The following SAMD10 variants were observed in gnomAD, a reference collection of about 807,000 sequenced individuals.
The protein encoded by SAMD10 is sterile alpha motif domain containing 10.
Under a neutral mutation model 22.5 loss-of-function variants are expected in SAMD10, and 16 were observed. That is an observed-to-expected ratio of 0.71 (90% CI 0.48 to 1.08). SAMD10 has a LOEUF of 1.08. SAMD10 is among the 50% of genes least tolerant of loss of function. The pLI is 0.00. For missense variants in SAMD10, 227 were observed against 281.3 expected (o/e 0.81, Z 1.38); for synonymous variants, 118 against 122.2 (o/e 0.97, Z 0.23).
Position 63,974,796 on chromosome 20 carries a change from C to T in SAMD10, c.*714G>A, listed in dbSNP as rs1385135784. 1 of 152,530 alleles carries T rather than the reference C, an allele frequency of 6.6e-6. No homozygotes were observed. Among genetic ancestry groups the T allele is most frequent in the Non-Finnish European group, 1.5e-5 (1 of 68,248 alleles). 9.4% of individuals were successfully genotyped at this position (152,530 alleles called of 1,614,324 possible). A position where few individuals can be genotyped will look rare whatever the true frequency, so the allele number is the denominator to read the frequency against. ...TAAGCCTGGGCCCTGGGCGCGGAGC[C>T]ACCTGGACAGGGCTGGGGTTCTCGT... On this transcript the variant is annotated 3_prime_UTR_variant, in exon 5 of 5. Coordinates refer to ENST00000369886, the MANE Select transcript of SAMD10 (RefSeq NM_080621.5).
rs1441488225 is a variant in SAMD10 at position 63,979,361 on chromosome 20, A to G, written c.91+16T>C. ...CCGCCCGAGAAATCCCCGCTCCCCAATCCAGCCCCGCTCACCGTCCACATC... is the reference window on the plus strand; with the variant it reads ...CCGCCCGAGAAATCCCCGCTCCCCAGTCCAGCCCCGCTCACCGTCCACATC... On this transcript the variant is annotated intron_variant, in intron 1 of 4. Coordinates refer to ENST00000369886, the MANE Select transcript of SAMD10 (RefSeq NM_080621.5). The surrounding 1 kb of genome is among the most constrained non-coding windows in gnomAD (Gnocchi z 7.7). 4 of 1,448,586 alleles carry G rather than the reference A, an allele frequency of 2.8e-6. No homozygotes were observed. Among genetic ancestry groups the G allele is most frequent in the East Asian group, 3.1e-5 (1 of 32,228 alleles). 89.7% of individuals were successfully genotyped at this position (1,448,586 alleles called of 1,614,324 possible).
At chr20:63,979,791 A>T, upstream of SAMD10, 2 of 678,496 alleles carry the variant, frequency 2.9e-6, no homozygotes, top group Non-Finnish European at 3.6e-6. The surrounding 1 kb of genome is among the most constrained non-coding windows in gnomAD (Gnocchi z 7.7). Flanking sequence ...GCGTCCTCTG[A>T]GGTCGGGCCC....
Position 63,975,312 on chromosome 20 carries a change from C to G in SAMD10, c.*198G>C, listed in dbSNP as rs2059014118. ...CACACTCAAGCAGCCCCCTACCCACCCAGCCCCAGGGCACGACCTGGAATG... is the reference window on the plus strand; with the variant it reads ...CACACTCAAGCAGCCCCCTACCCACGCAGCCCCAGGGCACGACCTGGAATG... On this transcript the variant is annotated 3_prime_UTR_variant, in exon 5 of 5. Transcript: ENST00000369886. 1.6e-6 allele frequency: 1 copy of G among 611,996 alleles called. No homozygotes were observed. The highest frequency in any genetic ancestry group is 1.9e-5 in the African/African-American group (1 of 51,686). The allele number at this position is 611,996 out of a possible 1,614,324, so 37.9% of individuals were successfully genotyped here.
chr20:63,975,623 G>C (rs547688322), intron 4 of SAMD10, 69 bp downstream of exon 4: 10 of 1,578,464 alleles, frequency 6.3e-6, no homozygotes, highest in East Asian at 4.6e-5. Context: ...ACCTCCTGAG[G>C]TCATCCCACC....
Position 63,979,186 on chromosome 20 carries a change from C to A in SAMD10, c.91+191G>T, listed in dbSNP as rs1187811047. Among the ~76,000 whole-genome samples, 3 of 152,064 alleles carry A rather than the reference C, an allele frequency of 2.0e-5. No individual in the cohort carries two copies. Among genetic ancestry groups the A allele is most frequent in the East Asian group, 3.9e-4 (2 of 5,158 alleles). ...CACCCCAAGCCAAGGGCGCGCTGAC[C>A]CCCAAGGCCTGAGGCTGGCTGCCCC... On this transcript the variant is annotated intron_variant, in intron 1 of 4. Transcript: ENST00000369886. This position sits in a 1 kb window ranked among gnomAD's most constrained non-coding sequence, Gnocchi z 7.7.
chr20:63,978,988 C>T (rs1346049385), intron 1 of SAMD10, among the ~76,000 whole-genome samples: 1 of 152,228 alleles, frequency 6.6e-6, no homozygotes, highest in Non-Finnish European at 1.5e-5. Flanking sequence ...GTCCCTCCCG[C>T]CCCAACGTCA....
chr20:63,976,903 G>A, intron 3 of SAMD10, 68 bp downstream of exon 3: 2 of 1,501,824 alleles, frequency 1.3e-6, no homozygotes, highest in East Asian at 4.5e-5. Flanking sequence ...AAGGCAGGCT[G>A]AGTGTGGGGA....
chr20:63,975,242 G>A lies in SAMD10; in HGVS notation c.*268C>T, dbSNP rs1051358682. The A allele has an allele frequency of 3.9e-6, 2 of 519,244 alleles. No individual in the cohort carries two copies. Among genetic ancestry groups the A allele is most frequent in the African/African-American group, 2.0e-5 (1 of 49,638 alleles). 32.2% of individuals were successfully genotyped at this position (519,244 alleles called of 1,614,324 possible). A position where few individuals can be genotyped will look rare whatever the true frequency, so the allele number is the denominator to read the frequency against. On this transcript the variant is annotated 3_prime_UTR_variant, in exon 5 of 5. Transcript: ENST00000369886. ...CAGGCAGCTGCCCCACATGCTGCCA[G>A]CTGCACCAGGGGAGGGCTTGGGCTC...
chr20:63,975,639 C>T, intron 4 of SAMD10, 53 bp downstream of exon 4: 3 of 1,574,968 alleles, frequency 1.9e-6, no homozygotes, highest in Non-Finnish European at 2.6e-6. Context: ...CCACCCCACA[C>T]TCAGAGGGGC....
Position 63,977,153 on chromosome 20 carries a change from G to C in SAMD10, c.274-11C>G, listed in dbSNP as rs772770269. On this transcript the variant is annotated splice_polypyrimidine_tract_variant and intron_variant, in intron 2 of 4. Coordinates refer to ENST00000369886, the MANE Select transcript of SAMD10 (RefSeq NM_080621.5). This position sits in a 1 kb window ranked among gnomAD's most constrained non-coding sequence, Gnocchi z 5.4. ...AGAGTACAGCCGGCCCTGCAGGGGA[G>C]GGGCGTGGCAGGCAGAGTGAGAGTG... 11 of 1,613,186 alleles carry C rather than the reference G, an allele frequency of 6.8e-6. No homozygotes were observed.
rs909218248 is a variant in SAMD10 at position 63,974,193 on chromosome 20, C to T, written c.*1317G>A. 2.6e-5 allele frequency: 4 copies of T among 152,100 alleles called. No individual in the cohort carries two copies. Among genetic ancestry groups the T allele is most frequent in the Admixed American group, 6.6e-5 (1 of 15,244 alleles). The allele number at this position is 152,100 out of a possible 1,614,324, so 9.4% of individuals were successfully genotyped here. ...AGTGAGTGCAGCAAAACAAGGAAGA[C>T]GAGACAGGCGTGCGTGGGCCAGGGC... On this transcript the variant is annotated 3_prime_UTR_variant, in exon 5 of 5. Coordinates refer to ENST00000369886, the MANE Select transcript of SAMD10 (RefSeq NM_080621.5).
chr20:63,977,029 C>T lies in SAMD10; in HGVS notation c.387G>A (p.Lys129=), dbSNP rs1348238856. ...SQQDVCKWLK[K]HCPHNYLVYV... ...AGACGAGGTAGTTGTGGGGACAGTG[C>T]TTCTTGAGCCACTTGCAGACGTCCT... Residue 129 remains lysine (K), a synonymous_variant, in exon 3 of 5, where the codon AAG becomes AAA. Coordinates refer to ENST00000369886, the MANE Select transcript of SAMD10 (RefSeq NM_080621.5). The surrounding 1 kb of genome is among the most constrained non-coding windows in gnomAD (Gnocchi z 5.4). The T allele has an allele frequency of 6.2e-7, 1 of 1,614,040 alleles. No homozygotes were observed. Among genetic ancestry groups the T allele is most frequent in the East Asian group, 2.2e-5 (1 of 44,892 alleles).
chr20:63,977,487 ATCTC>A lies in SAMD10; in HGVS notation c.92-85_92-82del, dbSNP rs1601499862. ...TACTTGAGAGCTAGCTCCCTGCCCC[ATCTC>A]CTCCACACTAGTGCGGGAAATCACC... On this transcript the variant is annotated intron_variant, in intron 1 of 4. Coordinates refer to ENST00000369886, the MANE Select transcript of SAMD10 (RefSeq NM_080621.5). This position sits in a 1 kb window ranked among gnomAD's most constrained non-coding sequence, Gnocchi z 5.4. 2.7e-5 allele frequency: 38 copies of A among 1,413,080 alleles called. No homozygotes were observed. The East Asian group carries it at 9.0e-4, about 34-fold the overall frequency. 87.5% of individuals were successfully genotyped at this position (1,413,080 alleles called of 1,614,324 possible). A position where few individuals can be genotyped will look rare whatever the true frequency, so the allele number is the denominator to read the frequency against.
At chr20:63,978,606 T>G (rs935332835) in intron 1 of SAMD10, among the ~76,000 whole-genome samples, 10 of 152,186 alleles carry the variant, frequency 6.6e-5, no homozygotes, top group African/African-American at 2.4e-4. Context: ...CTCCCACGCC[T>G]GTAAGACTTA....
In SAMD10 at chr20:63,975,375, G is replaced by A; in HGVS notation, c.*135C>T. 4 of 1,077,862 alleles carry A rather than the reference G, an allele frequency of 3.7e-6. No individual in the cohort carries two copies. The highest frequency in any genetic ancestry group is 2.2e-5 in the Admixed American group (1 of 45,060). 66.8% of individuals were successfully genotyped at this position (1,077,862 alleles called of 1,614,324 possible). ...CGCCTGGAGGTGTGATCCTGGTCCTGTCTGTCCGTTGGGCCAGCCTGGCCG... is the reference window on the plus strand; with the variant it reads ...CGCCTGGAGGTGTGATCCTGGTCCTATCTGTCCGTTGGGCCAGCCTGGCCG... On this transcript the variant is annotated 3_prime_UTR_variant, in exon 5 of 5. Coordinates refer to ENST00000369886, the MANE Select transcript of SAMD10 (RefSeq NM_080621.5).
chr20:63,975,923 A>C (rs1250011069), intron 3 of SAMD10, 91 bp from the exon 4 acceptor site: 2 of 1,390,336 alleles, frequency 1.4e-6, no homozygotes, highest in Non-Finnish European at 1.9e-6. Flanking sequence ...CTGTGATCCC[A>C]GCACTTTGGG....
In SAMD10 at chr20:63,975,689, G is replaced by T. The variant is rs762444151; in HGVS notation, c.586+3C>A. On this transcript the variant is annotated splice_donor_region_variant and intron_variant, in intron 4 of 4. Transcript: ENST00000369886. ...CCAGGCCTCTCTGGCACCTCACACT[G>T]ACCTTGGCTGAGCAGCTGCAGGCTC... 6.2e-7 allele frequency: 1 copy of T among 1,602,158 alleles called. No individual in the cohort carries two copies. Among genetic ancestry groups the T allele is most frequent in the South Asian group, 1.1e-5 (1 of 89,958 alleles).
In SAMD10 at chr20:63,977,001, C is replaced by T. The variant is rs749346193; in HGVS notation, c.415G>A (p.Val139Met). The change falls in exon 3 of 5, where the codon GTG becomes ATG. Residue 139 changes from valine to methionine, a missense_variant. Physicochemically the swap from Val to Met is conservative, Grantham distance 21. Coordinates refer to ENST00000369886, the MANE Select transcript of SAMD10 (RefSeq NM_080621.5). The surrounding 1 kb of genome is among the most constrained non-coding windows in gnomAD (Gnocchi z 5.4). ...KHCPHNYLVY[V>M]EAFSQHAITG... ...ATGGCATGCTGGGAGAAGGCCTCCA[C>T]GTAGACGAGGTAGTTGTGGGGACAG... 23 of 1,614,082 alleles carry T rather than the reference C, an allele frequency of 1.4e-5. No individual in the cohort carries two copies. Among genetic ancestry groups the T allele is most frequent in the Middle Eastern group, 1.6e-4 (1 of 6,062 alleles).
Position 63,979,353 on chromosome 20 carries a change from G to T in SAMD10, c.91+24C>A. The T allele has an allele frequency of 8.0e-6, 10 of 1,253,484 alleles. No homozygotes were observed. The highest frequency in any genetic ancestry group is 9.3e-6 in the Non-Finnish European group (9 of 966,872). 77.6% of individuals were successfully genotyped at this position (1,253,484 alleles called of 1,614,324 possible). On this transcript the variant is annotated intron_variant, in intron 1 of 4. Coordinates refer to ENST00000369886, the MANE Select transcript of SAMD10 (RefSeq NM_080621.5). This position sits in a 1 kb window ranked among gnomAD's most constrained non-coding sequence, Gnocchi z 7.7. ...TGAGACCCCCGCCCGAGAAATCCCC[G>T]CTCCCCAATCCAGCCCCGCTCACCG...
Sources: gnomAD v4.1 joint callset for allele counts (sites outside exome capture counted in the v4.1 genomes callset) on GRCh38, gnomAD v4.1.1 for gene constraint, Gnocchi (gnomAD v3.1) non-coding constraint, MANE v1.5 for transcripts, NCBI Gene and HGNC (gene_info 2026-07-23, HGNC 2026-07-21) for gene names.